CARD14: variants seen among roughly 807,000 people sequenced by gnomAD.
CARD14 encodes caspase recruitment domain-containing protein 14.
In CARD14, 107 loss-of-function variants were observed where a neutral mutation model predicts 111.5. The ratio of observed to expected loss-of-function variants is 0.96; its 90% confidence interval spans 0.82 to 1.13. The LOEUF (loss-of-function observed/expected upper bound fraction) is 1.13, where lower values mean the gene tolerates loss of function less well. Ranked by LOEUF, CARD14 falls within the 50% of genes most tolerant of loss-of-function variation. CARD14 has a pLI of 0.00. For synonymous variants in CARD14, 617 were observed against 579.6 expected, an observed-to-expected ratio of 1.06 and a Z score of -0.93; for missense variants, 1,322 against 1,362.3, an observed-to-expected ratio of 0.97 and a Z score of 0.47.
chr17:80,195,648 G>A lies in CARD14; in HGVS notation c.1590G>A (p.Thr530=), dbSNP rs138100360. 122 of 1,612,026 alleles carry A rather than the reference G, an allele frequency of 7.6e-5. 2 individuals carry two copies. Among genetic ancestry groups the A allele is most frequent in the African/African-American group, 7.1e-4 (53 of 75,020 alleles). The stretch of plus-strand genomic sequence containing the variant: ...ACCTGGATTATGAGCTCCTAGACAC[G>A]GCAGGTGAGCACGCCCAACCCTGAA... The part of the protein sequence containing the change: ...DPHLDYELLD[T]ADLPQLESSL... The change falls in exon 14 of 24, where the codon ACG becomes ACA. Residue 530 remains threonine (T), a synonymous_variant. Coordinates refer to ENST00000648509, the MANE Select transcript of CARD14 (RefSeq NM_001366385.1). The surrounding 1 kb of genome is among the most constrained non-coding windows in gnomAD (Gnocchi z 4.7).
chr17:80,171,084 G>A (rs914959520), intron 1 of CARD14, among the ~76,000 whole-genome samples: 4 of 150,554 alleles, frequency 2.7e-5, no homozygotes, highest in Non-Finnish European at 5.9e-5. Context: ...CAGGTAATCC[G>A]CCCATCTTGG....
At position 80,184,016 on chromosome 17, in the gene CARD14, G is replaced by T. The variant is rs374927420; in HGVS notation, c.453G>T (p.Arg151=). Reference sequence around the variant, plus strand: ...AGGGGCAGAAGGAGGTGCTGCTGCGGCGGTGCCAGCAGCTGCAGGAGCACC... The same window carrying T: ...AGGGGCAGAAGGAGGTGCTGCTGCGTCGGTGCCAGCAGCTGCAGGAGCACC... ...QEKGQKEVLL[R]RCQQLQEHLG... is the part of the protein sequence containing the mutation. Residue 151 remains arginine, a synonymous_variant, in exon 7 of 24, where the codon CGG becomes CGT. Transcript: ENST00000648509. The T allele has an allele frequency of 1.9e-6, 3 of 1,586,446 alleles. No individual in the cohort carries two copies. Among genetic ancestry groups the T allele is most frequent in the Admixed American group, 1.8e-5 (1 of 56,284 alleles).
intron 1 of CARD14, among the ~76,000 whole-genome samples, chr17:80,171,164 C>A (rs61636068): frequency 1.1e-5 from 1 of 87,536 alleles, no homozygotes; most frequent in Non-Finnish European, 2.2e-5. Flanking sequence ...CTTCCCCTTC[C>A]CCTCCCCTTC....
At position 80,189,793 on chromosome 17, in the gene CARD14, G is replaced by C. The variant is rs768185060; in HGVS notation, c.884G>C (p.Arg295Pro). 4.4e-6 allele frequency: 7 copies of C among 1,586,154 alleles called. No homozygotes were observed. Among genetic ancestry groups the C allele is most frequent in the South Asian group, 1.1e-5 (1 of 87,840 alleles). ...DILEQSLDEA[R>P]GSRQELVERI... Reference sequence around the variant, plus strand: ...CTGGAGCAGAGCCTGGACGAGGCGCGGGGGAGCCGACAGGAGCTGGTGGAG... The same window carrying C: ...CTGGAGCAGAGCCTGGACGAGGCGCCGGGGAGCCGACAGGAGCTGGTGGAG... The change falls in exon 9 of 24, where the codon CGG becomes CCG. Residue 295 changes from arginine to proline, a missense_variant. Coordinates refer to ENST00000648509, the MANE Select transcript of CARD14 (RefSeq NM_001366385.1). The surrounding 1 kb of genome is among the most constrained non-coding windows in gnomAD (Gnocchi z 4.7).
intron 2 of CARD14, among the ~76,000 whole-genome samples, chr17:80,178,109 C>T (rs1371620414): frequency 6.6e-6 from 1 of 152,196 alleles, no homozygotes; most frequent in Non-Finnish European, 1.5e-5. Context: ...CTCCTCCTCA[C>T]CTGCCCACCC....
chr17:80,208,173 A>G lies in CARD14; in HGVS notation c.2843A>G (p.Gln948Arg). 1 of 1,548,552 alleles carries G rather than the reference A, an allele frequency of 6.5e-7. No homozygotes were observed. Among genetic ancestry groups the G allele is most frequent in the Non-Finnish European group, 8.7e-7 (1 of 1,146,052 alleles). ...CAGCGGTTGGGCACCTCAGAGGAGC[A>G]GCTCCTGGAGGCTGCGAGGCAGGAG... ...GLQRLGTSEE[Q>R]LLEAARQEEG... is the part of the protein sequence containing the mutation. The change falls in exon 24 of 24, where the codon CAG (glutamine) becomes CGG (arginine). Residue 948 changes from glutamine (Q) to arginine (R), a missense_variant. Coordinates refer to ENST00000648509, the MANE Select transcript of CARD14 (RefSeq NM_001366385.1).
Position 80,198,427 on chromosome 17 carries a change from C to A in CARD14, c.1687C>A (p.Arg563Ser). 6.2e-7 allele frequency: 1 copy of A among 1,607,574 alleles called. No individual in the cohort carries two copies. Among genetic ancestry groups the A allele is most frequent in the Non-Finnish European group, 8.5e-7 (1 of 1,175,836 alleles). Residue 563 changes from arginine to serine, a missense_variant, in exon 16 of 24, where the codon CGC becomes AGC. Physicochemically the swap from Arg to Ser is moderately radical, Grantham distance 110. Coordinates refer to ENST00000648509, the MANE Select transcript of CARD14 (RefSeq NM_001366385.1). The surrounding 1 kb of genome is among the most constrained non-coding windows in gnomAD (Gnocchi z 7.5). ...SGVLMRRRPA[R>S]RILSQVTMLA... The stretch of plus-strand genomic sequence containing the variant: ...CGTCCTCATGCGGCGGAGGCCAGCC[C>A]GCAGGATCCTGAGCCAGGTCACCAT...
At position 80,182,834 on chromosome 17, in the gene CARD14, C is replaced by T. The variant is rs1214549880; in HGVS notation, c.349+44C>T. ...ACGGTTTGGCAGGCACTTCTAGGAA[C>T]CTCAGGCTCCTGGTAACCCCAGGTG... On this transcript the variant is annotated intron_variant, in intron 6 of 23. Coordinates refer to ENST00000648509, the MANE Select transcript of CARD14 (RefSeq NM_001366385.1). This position sits in a 1 kb window ranked among gnomAD's most constrained non-coding sequence, Gnocchi z 4.7. 3.7e-6 allele frequency: 6 copies of T among 1,609,752 alleles called. No homozygotes were observed. The highest frequency in any genetic ancestry group is 5.1e-6 in the Non-Finnish European group (6 of 1,176,940).
Position 80,208,196 on chromosome 17 carries a change from G to A in CARD14, c.2866G>A (p.Glu956Lys). Residue 956 changes from glutamate to lysine, a missense_variant, in exon 24 of 24, where the codon GAG becomes AAG. Transcript: ENST00000648509. ...EEQLLEAARQ[E>K]EGDLDRAPCL... ...GCAGCTCCTGGAGGCTGCGAGGCAGGAGGAGGGAGACCTGGACCGGGCGCC... is the reference window on the plus strand; with the variant it reads ...GCAGCTCCTGGAGGCTGCGAGGCAGAAGGAGGGAGACCTGGACCGGGCGCC... 2 of 1,553,634 alleles carry A rather than the reference G, an allele frequency of 1.3e-6. No individual in the cohort carries two copies. Among genetic ancestry groups the A allele is most frequent in the Non-Finnish European group, 1.7e-6 (2 of 1,148,516 alleles).
At chr17:80,199,086 A>G (rs942218093) in intron 16 of CARD14, among the ~76,000 whole-genome samples, 4 of 152,116 alleles carry the variant, frequency 2.6e-5, no homozygotes, top group African/African-American at 9.7e-5. Context: ...AGTAGCTGGG[A>G]CCAGACCACA....
intron 12 of CARD14, 113 bp downstream of exon 12, chr17:80,192,732 G>A (rs1165235914): frequency 5.7e-6 from 4 of 697,550 alleles, no homozygotes; most frequent in African/African-American, 5.4e-5. Flanking sequence ...CAGGGAAGAG[G>A]TTGGTACGAT....
In CARD14 at chr17:80,184,036, A is replaced by G. The variant is rs2040258405; in HGVS notation, c.473A>G (p.Glu158Gly). 2 of 1,587,180 alleles carry G rather than the reference A, an allele frequency of 1.3e-6. No homozygotes were observed. The highest frequency in any genetic ancestry group is 1.7e-6 in the Non-Finnish European group (2 of 1,166,986). The change falls in exon 7 of 24, where the codon GAG becomes GGG. Residue 158 changes from glutamate (E) to glycine (G), a missense_variant. Physicochemically the swap from Glu to Gly is moderately conservative, Grantham distance 98 (BLOSUM62 -2). Coordinates refer to ENST00000648509, the MANE Select transcript of CARD14 (RefSeq NM_001366385.1). Reference sequence around the variant, plus strand: ...CTGCGGCGGTGCCAGCAGCTGCAGGAGCACCTGGGCCTGGCCGAGACCCGT... The same window carrying G: ...CTGCGGCGGTGCCAGCAGCTGCAGGGGCACCTGGGCCTGGCCGAGACCCGT... ...VLLRRCQQLQ[E>G]HLGLAETRAE... is the part of the protein sequence containing the mutation.
At chr17:80,180,776 T>A (rs2040146863) in intron 4 of CARD14, among the ~76,000 whole-genome samples, 1 of 151,756 alleles carries the variant, frequency 6.6e-6, no homozygotes, top group African/African-American at 2.4e-5. Context: ...GTGTGTTTGT[T>A]TACCGGGACA....
intron 2 of CARD14, among the ~76,000 whole-genome samples, chr17:80,175,612 G>A (rs1333664164): frequency 6.6e-6 from 1 of 152,174 alleles, no homozygotes; most frequent in Non-Finnish European, 1.5e-5. Context: ...CAAGGGGATG[G>A]AAGGGAGGAG....
rs12942414 is a variant in CARD14, at chr17:80,190,628, A to G, written c.964-146A>G. The G allele has an allele frequency of 0.36, 168,403 of 473,232 alleles. 25,395 individuals are homozygous for G. The highest frequency in any genetic ancestry group is 0.39 in the Middle Eastern group (655 of 1,698). 29.3% of individuals were successfully genotyped at this position (473,232 alleles called of 1,614,324 possible). A position where few individuals can be genotyped will look rare whatever the true frequency, so the allele number is the denominator to read the frequency against. ...TCTCTGTCTCAAAAAAAAAAAAAAA[A>G]AGAGAGAGAGAGACGAGTGAGAATT... On this transcript the variant is annotated intron_variant, in intron 9 of 23. Transcript: ENST00000648509.
intron 1 of CARD14, among the ~76,000 whole-genome samples, chr17:80,170,887 T>C (rs2039881885): frequency 6.9e-6 from 1 of 145,214 alleles, no homozygotes; most frequent in South Asian, 2.3e-4. Context: ...TCGCCCAGGC[T>C]AGAGTTGCAG....
At position 80,182,878 on chromosome 17, in the gene CARD14, T is replaced by C; in HGVS notation, c.349+88T>C. ...CCAGGTGCCCCGCTTACTTGCCGAT[T>C]TGCCCTACTCCCCCTTCCCTCCAGG... On this transcript the variant is annotated intron_variant, in intron 6 of 23. Transcript: ENST00000648509. The surrounding 1 kb of genome is among the most constrained non-coding windows in gnomAD (Gnocchi z 4.7). 1 of 1,507,486 alleles carries C rather than the reference T, an allele frequency of 6.6e-7. No homozygotes were observed. The highest frequency in any genetic ancestry group is 9.1e-7 in the Non-Finnish European group (1 of 1,096,694). The allele number at this position is 1,507,486 out of a possible 1,614,324, so 93.4% of individuals were successfully genotyped here. A position where few individuals can be genotyped will look rare whatever the true frequency, so the allele number is the denominator to read the frequency against.
chr17:80,204,659 G>GTCTCTGT (rs2041181580), intron 20 of CARD14: 16 of 388,422 alleles, frequency 4.1e-5, no homozygotes, highest in South Asian at 4.1e-4. Flanking sequence ...AGGAGTACAG[G>GTCTCTGT]ACAGAGGGAG....
In CARD14 at chr17:80,208,111, C is replaced by A. The variant is rs771489106; in HGVS notation, c.2808-27C>A. Reference sequence around the variant, plus strand: ...CTGGGCCCTTGCTCTCCCCTGAGCCCGCCCCCCCCAACTCTGGCCTGTGCA... The same window carrying A: ...CTGGGCCCTTGCTCTCCCCTGAGCCAGCCCCCCCCAACTCTGGCCTGTGCA... On this transcript the variant is annotated intron_variant, in intron 23 of 23. Transcript: ENST00000648509. The A allele has an allele frequency of 2.7e-6, 4 of 1,482,696 alleles. No homozygotes were observed. In the South Asian group the frequency reaches 5.3e-5, roughly 20 times the overall value. 91.8% of individuals were successfully genotyped at this position (1,482,696 alleles called of 1,614,324 possible). A position where few individuals can be genotyped will look rare whatever the true frequency, so the allele number is the denominator to read the frequency against.
Sources: allele counts gnomAD v4.1 joint callset (sites outside exome capture counted in the v4.1 genomes callset), GRCh38; gene constraint gnomAD v4.1.1; non-coding constraint Gnocchi (gnomAD v3.1); transcripts MANE v1.5; gene names NCBI Gene and HGNC (gene_info 2026-07-23, HGNC 2026-07-21).